Variants in COL21A1 observed in about 807,000 individuals in gnomAD.
COL21A1 encodes collagen alpha-1(XXI) chain.
COL21A1 carries 149 observed loss-of-function variants against 137.9 expected under a neutral mutation model. That is an observed-to-expected ratio of 1.08 (90% confidence interval 0.95 to 1.24). The LOEUF (loss-of-function observed/expected upper bound fraction) is 1.24. Among genes scored for constraint, COL21A1 ranks in the 50% most tolerant of loss-of-function variants. COL21A1 has a pLI of 0.00. For missense variants in COL21A1, 1,167 were observed against 1,158.4 expected, an observed-to-expected ratio of 1.01 and a Z score of -0.11; for synonymous variants, 456 against 391.5, an observed-to-expected ratio of 1.16 and a Z score of -1.95.
intron 1 of COL21A1, among the ~76,000 whole-genome samples, chr6:56,318,122 G>A (rs1764783203): frequency 6.6e-6 from 1 of 152,042 alleles, no homozygotes; most frequent in Admixed American, 6.6e-5. Flanking sequence ...TTTGAAAATA[G>A]CCAAGACAGA....
intron 1 of COL21A1, among the ~76,000 whole-genome samples, chr6:56,325,970 T>TCA (rs1491478764): frequency 1.7e-3 from 1 of 576 alleles, no homozygotes; most frequent in Non-Finnish European, 4.3e-3. Context: ...ATAATATATA[T>TCA]TATATATTAT....
At chr6:56,227,645 C>T (rs953068529) in intron 1 of COL21A1, among the ~76,000 whole-genome samples, 1 of 152,032 alleles carries the variant, frequency 6.6e-6, no homozygotes, top group African/African-American at 2.4e-5. Context: ...TACTATTTGT[C>T]TGTTTATCCA....
intron 16 of COL21A1, among the ~76,000 whole-genome samples, chr6:56,112,846 C>T (rs972223359): frequency 4.0e-5 from 6 of 151,416 alleles, no homozygotes; most frequent in East Asian, 1.9e-4. Context: ...CACCATGCCC[C>T]GCTAATTTTG....
At chr6:56,081,742 T>A (rs1450337601) in intron 17 of COL21A1, among the ~76,000 whole-genome samples, 1 of 151,838 alleles carries the variant, frequency 6.6e-6, no homozygotes, top group Admixed American at 6.6e-5. Context: ...CTGTAATTAA[T>A]CTTTAAGGAA....
intron 17 of COL21A1, among the ~76,000 whole-genome samples, chr6:56,097,683 C>A (rs66585712): frequency 9.7e-5 from 14 of 143,792 alleles, no homozygotes; most frequent in Non-Finnish European, 1.3e-4. Context: ...GTCTGCTTGG[C>A]GATAAAACTG....
intron 1 of COL21A1, among the ~76,000 whole-genome samples, chr6:56,391,270 A>G (rs187486676): frequency 6.6e-6 from 1 of 152,280 alleles, no homozygotes; most frequent in Admixed American, 6.5e-5. Flanking sequence ...TTTGTGAAAC[A>G]TACCAAAACT....
intron 12 of COL21A1, among the ~76,000 whole-genome samples, chr6:56,141,472 T>C (rs1297501327): frequency 6.6e-6 from 1 of 152,164 alleles, no homozygotes; most frequent in Non-Finnish European, 1.5e-5. Flanking sequence ...GAGGTTAACA[T>C]GGTAACACTT....
At chr6:56,382,095 C>A (rs1416436485) in intron 1 of COL21A1, among the ~76,000 whole-genome samples, 1 of 152,164 alleles carries the variant, frequency 6.6e-6, no homozygotes, top group African/African-American at 2.4e-5. Flanking sequence ...ACCACTAGGG[C>A]AGTAAATAGG....
chr6:56,247,829 G>C (rs1231601435), upstream of COL21A1: 1 of 152,970 alleles, frequency 6.5e-6, no homozygotes, highest in East Asian at 1.9e-4. Context: ...TGCCAGGAAA[G>C]CAGGAAAGGC....
chr6:56,312,792 C>G (rs532217797), intron 1 of COL21A1, among the ~76,000 whole-genome samples: 19 of 152,278 alleles, frequency 1.2e-4, no homozygotes, highest in African/African-American at 4.6e-4. Context: ...CTGATACCAT[C>G]TGGCGCACCT....
intron 10 of COL21A1, among the ~76,000 whole-genome samples, chr6:56,154,304 G>A (rs1775568918): frequency 6.6e-6 from 1 of 152,072 alleles, no homozygotes. Context: ...AGAATCATGA[G>A]CCAAATAAAC....
intron 10 of COL21A1, among the ~76,000 whole-genome samples, chr6:56,143,596 A>G (rs1487918696): frequency 6.6e-6 from 1 of 152,134 alleles, no homozygotes; most frequent in Non-Finnish European, 1.5e-5. Context: ...ATGACTTCTC[A>G]GATTCAAACT....
In COL21A1 at chr6:56,201,177, G is replaced by T. The variant is rs886081677; in HGVS notation, c.-38-18521C>A. On this transcript the variant is annotated intron_variant, in intron 1 of 29. Transcript: ENST00000244728. Reference sequence around the variant, plus strand: ...TTTGTTTTTTTCTTGTAAATTTGTTGGAGTTCATTGTAGATTCTGGATATT... The same window carrying T: ...TTTGTTTTTTTCTTGTAAATTTGTTTGAGTTCATTGTAGATTCTGGATATT... Among the ~76,000 whole-genome samples the T allele has an allele frequency of 4.6e-5, 7 of 151,006 alleles. No individual in the cohort carries two copies. The East Asian group carries it at 5.8e-4, about 13-fold the overall frequency.
Position 56,074,396 on chromosome 6 carries a change from A to G in COL21A1, c.1912-111T>C, listed in dbSNP as rs147021109. On this transcript the variant is annotated intron_variant, in intron 19 of 29. Coordinates refer to ENST00000244728, the MANE Select transcript of COL21A1 (RefSeq NM_030820.4). ...TAATTAATTCACTAAATTATAATAC[A>G]GATCTGAAAATATAATACAATATTT... is the stretch of plus-strand genomic sequence containing the variant. The G allele has an allele frequency of 5.8e-4, 381 of 654,180 alleles. 3 individuals are homozygous for G. In the African/African-American group the frequency reaches 6.5e-3, roughly 11 times the overall value. 40.5% of individuals were successfully genotyped at this position (654,180 alleles called of 1,614,324 possible). A position where few individuals can be genotyped will look rare whatever the true frequency, so the allele number is the denominator to read the frequency against.
intron 1 of COL21A1, among the ~76,000 whole-genome samples, chr6:56,381,373 C>A (rs1052735316): frequency 6.6e-6 from 1 of 152,126 alleles, no homozygotes; most frequent in African/African-American, 2.4e-5. Flanking sequence ...GGACCTCTGC[C>A]CAAGCAGAAA....
At chr6:56,097,023 A>C (rs1456408386) in intron 17 of COL21A1, among the ~76,000 whole-genome samples, 7 of 152,198 alleles carry the variant, frequency 4.6e-5, no homozygotes, top group Non-Finnish European at 1.0e-4. Flanking sequence ...GTTAAAAAAA[A>C]AATAGCTTGT....
intron 1 of COL21A1, among the ~76,000 whole-genome samples, chr6:56,386,669 A>T (rs963038857): frequency 6.6e-6 from 1 of 151,862 alleles, no homozygotes. Context: ...TTTGATTTGC[A>T]TTTCCCTAGT....
chr6:56,151,542 G>A (rs1191418804), intron 10 of COL21A1, among the ~76,000 whole-genome samples: 1 of 152,224 alleles, frequency 6.6e-6, no homozygotes, highest in Non-Finnish European at 1.5e-5. Context: ...GGAAGGATCT[G>A]AAATAGCTCT....
intron 1 of COL21A1, among the ~76,000 whole-genome samples, chr6:56,322,341 A>G (rs1302746718): frequency 6.6e-6 from 1 of 152,144 alleles, no homozygotes; most frequent in Non-Finnish European, 1.5e-5. Flanking sequence ...GTTTTGCCTC[A>G]TCCACCATAT....
Sources: allele counts gnomAD v4.1 joint callset (sites outside exome capture counted in the v4.1 genomes callset), GRCh38; gene constraint gnomAD v4.1.1; transcripts MANE v1.5; gene names NCBI Gene and HGNC (gene_info 2026-07-23, HGNC 2026-07-21).